PATE3: variants seen among roughly 807,000 people sequenced by gnomAD.
PATE3 encodes prostate and testis expressed 3.
A neutral mutation model predicts 7.4 loss-of-function variants in PATE3; 7 were observed. That is an observed-to-expected ratio of 0.95 (90% CI 0.54 to 1.78). The LOEUF (loss-of-function observed/expected upper bound fraction) is 1.78, where lower values mean the gene tolerates loss of function less well. Among genes scored for constraint, PATE3 ranks in the 40% most tolerant of loss-of-function variants. PATE3 has a pLI of 0.00. For missense variants in PATE3, 117 were observed against 122.5 expected (o/e 0.96, Z 0.21); for synonymous variants, 38 against 40.2 (o/e 0.94, Z 0.21).
Position 125,790,475 on chromosome 11 carries a change from T to G in PATE3, c.173-3T>G. 1 of 1,548,492 alleles carries G rather than the reference T, an allele frequency of 6.5e-7. No individual in the cohort carries two copies. Among genetic ancestry groups the G allele is most frequent in the African/African-American group, 1.4e-5 (1 of 73,076 alleles). On this transcript the variant is annotated splice_polypyrimidine_tract_variant and splice_region_variant and intron_variant, in intron 2 of 2. Coordinates refer to ENST00000445202, the MANE Select transcript of PATE3 (RefSeq NM_001129883.4). Reference sequence around the variant, plus strand: ...TATTTTCTGTGGTTCTTTCCTATTTTAGGCAATACTCTCCAGATATCATAC... The same window carrying G: ...TATTTTCTGTGGTTCTTTCCTATTTGAGGCAATACTCTCCAGATATCATAC...
At chr11:125,790,401 A>G in intron 2 of PATE3, 77 bp from the exon 3 acceptor site, 1 of 1,397,344 alleles carries the variant, frequency 7.2e-7, no homozygotes, top group Non-Finnish European at 9.5e-7. Flanking sequence ...TTTCACCAAC[A>G]GAACTAGTGC....
At chr11:125,788,343 C>T in intron 1 of PATE3, 143 bp downstream of exon 1, 2 of 674,004 alleles carry the variant, frequency 3.0e-6, no homozygotes, top group Non-Finnish European at 4.9e-6. Flanking sequence ...GAATGCTCCT[C>T]TGCCTTCCCT....
At chr11:125,790,447 G>A (rs1289081657) in intron 2 of PATE3, 31 bp from the exon 3 acceptor site, 1 of 1,540,238 alleles carries the variant, frequency 6.5e-7, no homozygotes, top group Admixed American at 2.0e-5. Flanking sequence ...TAAATCAAAT[G>A]CTTATTTTCT....
intron 1 of PATE3, among the ~76,000 whole-genome samples, chr11:125,788,989 T>C (rs1288110377): frequency 6.6e-6 from 1 of 152,166 alleles, no homozygotes; most frequent in Non-Finnish European, 1.5e-5. Context: ...GAACAGAATA[T>C]ATCACCTAAC....
chr11:125,789,169 G>T (rs1943589389), intron 1 of PATE3, among the ~76,000 whole-genome samples: 1 of 152,170 alleles, frequency 6.6e-6, no homozygotes. Flanking sequence ...AGGGCTGAAG[G>T]TGGGGTCAGA....
At position 125,788,213 on chromosome 11, in the gene PATE3, C is replaced by T. The variant is rs1314939941; in HGVS notation, c.49+13C>T. The T allele has an allele frequency of 6.5e-7, 1 of 1,548,086 alleles. No individual in the cohort carries two copies. The highest frequency in any genetic ancestry group is 8.7e-7 in the Non-Finnish European group (1 of 1,144,010). Reference sequence around the variant, plus strand: ...TGCCTCATTGTGGGTGAGTCCTGGACCTGAGGGGTATACTTGAGAGACAGG... The same window carrying T: ...TGCCTCATTGTGGGTGAGTCCTGGATCTGAGGGGTATACTTGAGAGACAGG... On this transcript the variant is annotated intron_variant, in intron 1 of 2. Transcript: ENST00000445202.
Position 125,789,388 on chromosome 11 carries a change from G to A in PATE3, c.52G>A (p.Val18Met), listed in dbSNP as rs749236016. ...CACCATCTCTATGCTCTCTCCAGCA[G>A]TGACATCACTTCAGTGCATAACATG... Reference protein sequence around the residue: ...LFLLYCLIVAVTSLQCITCHL... With the variant: ...LFLLYCLIVAMTSLQCITCHL... The change falls in exon 2 of 3, where the codon GTG (valine) becomes ATG (methionine). Residue 18 changes from valine to methionine, a missense_variant and splice_region_variant. Transcript: ENST00000445202. 1.7e-5 allele frequency: 27 copies of A among 1,551,096 alleles called. No individual in the cohort carries two copies. The highest frequency in any genetic ancestry group is 2.3e-5 in the Non-Finnish European group (26 of 1,146,622).
chr11:125,790,857 C>A lies in PATE3; in HGVS notation c.*255C>A, dbSNP rs947181001. ...TTGGCATGGCCATATTCCAAGAAACCTGCCCCAAGAGTTCCTGTACAGTAA... is the reference window on the plus strand; with the variant it reads ...TTGGCATGGCCATATTCCAAGAAACATGCCCCAAGAGTTCCTGTACAGTAA... On this transcript the variant is annotated 3_prime_UTR_variant, in exon 3 of 3. Transcript: ENST00000445202. 1 of 335,028 alleles carries A rather than the reference C, an allele frequency of 3.0e-6. No individual in the cohort carries two copies. The highest frequency in any genetic ancestry group is 5.4e-6 in the Non-Finnish European group (1 of 186,450). The allele number at this position is 335,028 out of a possible 1,614,324, so 20.8% of individuals were successfully genotyped here. A position where few individuals can be genotyped will look rare whatever the true frequency, so the allele number is the denominator to read the frequency against.
intron 2 of PATE3, 78 bp from the exon 3 acceptor site, chr11:125,790,400 C>T: frequency 7.2e-7 from 1 of 1,391,000 alleles, no homozygotes; most frequent in Non-Finnish European, 9.6e-7. Context: ...TTTTCACCAA[C>T]AGAACTAGTG....
In PATE3 at chr11:125,790,811, TTTC is replaced by T. The variant is rs920404420; in HGVS notation, c.*214_*216del. The T allele has an allele frequency of 1.3e-5, 6 of 456,396 alleles. No individual in the cohort carries two copies. The highest frequency in any genetic ancestry group is 1.0e-4 in the African/African-American group (5 of 49,970). 28.3% of individuals were successfully genotyped at this position (456,396 alleles called of 1,614,324 possible). A position where few individuals can be genotyped will look rare whatever the true frequency, so the allele number is the denominator to read the frequency against. ...GAGAATAGTGGTTCTGAACAATGGATTTCTTCTATTATTGGGATTATTGGCATG... is the reference window on the plus strand; with the variant it reads ...GAGAATAGTGGTTCTGAACAATGGATTTCTATTATTGGGATTATTGGCATG... On this transcript the variant is annotated 3_prime_UTR_variant, in exon 3 of 3. Coordinates refer to ENST00000445202, the MANE Select transcript of PATE3 (RefSeq NM_001129883.4).
In PATE3 at chr11:125,791,494, A is replaced by C. The variant is rs1943610567; in HGVS notation, c.*892A>C. On this transcript the variant is annotated 3_prime_UTR_variant, in exon 3 of 3. Coordinates refer to ENST00000445202, the MANE Select transcript of PATE3 (RefSeq NM_001129883.4). ...CATCAAAGGGAGTCAAACATAGTCA[A>C]GATACCATCTACCCTGTACAGCTTT... The C allele has an allele frequency of 6.6e-6, 1 of 152,218 alleles. No individual in the cohort carries two copies. The highest frequency in any genetic ancestry group is 2.1e-4 in the South Asian group (1 of 4,826). The allele number at this position is 152,218 out of a possible 1,614,324, so 9.4% of individuals were successfully genotyped here.
intron 1 of PATE3, 61 bp downstream of exon 1, chr11:125,788,261 T>C (rs1186022467): frequency 6.8e-7 from 1 of 1,463,138 alleles, no homozygotes; most frequent in Non-Finnish European, 9.3e-7. Context: ...CCAGGGAAAC[T>C]ACATGTGTAG....
At chr11:125,789,304 C>G in intron 1 of PATE3, 82 bp from the exon 2 acceptor site, 2 of 1,397,998 alleles carry the variant, frequency 1.4e-6, no homozygotes, top group Non-Finnish European at 1.9e-6. Flanking sequence ...CTATTCATTC[C>G]CCACCTCCAT....
chr11:125,789,258 C>T, intron 1 of PATE3, 128 bp from the exon 2 acceptor site: 1 of 932,938 alleles, frequency 1.1e-6, no homozygotes, highest in Non-Finnish European at 1.5e-6. Flanking sequence ...GCCTAAATAC[C>T]CCAACCAGTA....
Position 125,790,535 on chromosome 11 carries a change from T to G in PATE3, c.230T>G (p.Phe77Cys). Residue 77 changes from phenylalanine to cysteine, a missense_variant, in exon 3 of 3, where the codon TTT (phenylalanine) becomes TGT (cysteine). Physicochemically the swap from Phe to Cys is radical, Grantham distance 205 (BLOSUM62 -2). Transcript: ENST00000445202. ...VCQKFCRDMT[F>C]DLRNRTYVHT... ...CAGAAATTCTGCAGAGACATGACAT[T>G]TGATCTCAGGAATCGGACTTATGTT... 6.4e-7 allele frequency: 1 copy of G among 1,551,078 alleles called. No homozygotes were observed. The highest frequency in any genetic ancestry group is 1.2e-5 in the South Asian group (1 of 84,014).
Position 125,790,565 on chromosome 11 carries a change from C to T in PATE3, c.260C>T (p.Thr87Ile). ...FDLRNRTYVH[T>I]CCNYNYCNFK... The stretch of plus-strand genomic sequence containing the variant: ...CTCAGGAATCGGACTTATGTTCATA[C>T]ATGCTGCAACTACAATTACTGTAAC... The change falls in exon 3 of 3, where the codon ACA becomes ATA. Residue 87 changes from threonine to isoleucine, a missense_variant. Coordinates refer to ENST00000445202, the MANE Select transcript of PATE3 (RefSeq NM_001129883.4). 6.4e-7 allele frequency: 1 copy of T among 1,551,388 alleles called. No homozygotes were observed. Among genetic ancestry groups the T allele is most frequent in the Non-Finnish European group, 8.7e-7 (1 of 1,146,784 alleles).
chr11:125,790,746 A>C lies in PATE3; in HGVS notation c.*144A>C. On this transcript the variant is annotated 3_prime_UTR_variant, in exon 3 of 3. Coordinates refer to ENST00000445202, the MANE Select transcript of PATE3 (RefSeq NM_001129883.4). ...AACCTAAGAAGACTAAACTAGTGTG[A>C]TCCTTTCTGGTGTCTTCAGCTTGGC... The C allele has an allele frequency of 1.3e-6, 1 of 779,742 alleles. No individual in the cohort carries two copies. Among genetic ancestry groups the C allele is most frequent in the Non-Finnish European group, 2.0e-6 (1 of 508,596 alleles). The allele number at this position is 779,742 out of a possible 1,614,324, so 48.3% of individuals were successfully genotyped here. A position where few individuals can be genotyped will look rare whatever the true frequency, so the allele number is the denominator to read the frequency against.
chr11:125,789,520 G>C lies in PATE3; in HGVS notation c.172+12G>C, dbSNP rs955264752. The C allele has an allele frequency of 6.5e-7, 1 of 1,545,576 alleles. No homozygotes were observed. Among genetic ancestry groups the C allele is most frequent in the South Asian group, 1.2e-5 (1 of 83,694 alleles). Reference sequence around the variant, plus strand: ...AAGGATTTACCAGCGTAAGTTAGAGGGTCAGGGAAGGTGTTGTAAGATTCT... The same window carrying C: ...AAGGATTTACCAGCGTAAGTTAGAGCGTCAGGGAAGGTGTTGTAAGATTCT... On this transcript the variant is annotated intron_variant, in intron 2 of 2. Coordinates refer to ENST00000445202, the MANE Select transcript of PATE3 (RefSeq NM_001129883.4).
Position 125,788,150 on chromosome 11 carries a change from G to A in PATE3, c.-2G>A. Reference sequence around the variant, plus strand: ...TCCTGCACAAGGGATTTCCGGGTCAGGATGAACAAACACTTCTTGTTCCTC... The same window carrying A: ...TCCTGCACAAGGGATTTCCGGGTCAAGATGAACAAACACTTCTTGTTCCTC... On this transcript the variant is annotated 5_prime_UTR_variant, in exon 1 of 3. Transcript: ENST00000445202. 6.4e-7 allele frequency: 1 copy of A among 1,551,350 alleles called. No homozygotes were observed. The highest frequency in any genetic ancestry group is 8.7e-7 in the Non-Finnish European group (1 of 1,146,766).
Sources: gnomAD v4.1 joint callset for allele counts (sites outside exome capture counted in the v4.1 genomes callset) on GRCh38, gnomAD v4.1.1 for gene constraint, MANE v1.5 for transcripts, NCBI Gene and HGNC (gene_info 2026-07-23, HGNC 2026-07-21) for gene names.